Variants in PIK3AP1 observed in about 807,000 individuals in gnomAD.
PIK3AP1 encodes phosphoinositide 3-kinase adapter protein 1.
In PIK3AP1, 21 loss-of-function variants were observed where a neutral mutation model predicts 88.1. The ratio of observed to expected loss-of-function variants is 0.24; its 90% confidence interval spans 0.17 to 0.34. The LOEUF (loss-of-function observed/expected upper bound fraction) is 0.34, where lower values mean the gene tolerates loss of function less well. PIK3AP1 is among the 10% of genes least tolerant of loss of function. The pLI, the probability that PIK3AP1 is intolerant of heterozygous loss-of-function variation, is 1.00. For synonymous variants in PIK3AP1, 398 were observed against 400.0 expected (o/e 1.00, Z 0.06); for missense variants, 828 against 1,035.7 (o/e 0.80, Z 2.75).
At chr10:96,633,043 C>A (rs781320669) in intron 8 of PIK3AP1, 3 of 1,606,910 alleles carry the variant, frequency 1.9e-6, no homozygotes, top group Non-Finnish European at 2.5e-6. Flanking sequence ...GCAGGCCACG[C>A]TGGTGAAAAA....
rs75439767 is a variant in PIK3AP1 at position 96,596,214 on chromosome 10, G to C, written c.2361-580C>G. On this transcript the variant is annotated intron_variant, in intron 16 of 16. Transcript: ENST00000339364. ...CCTAGGGCCAGGTACCAGACGACTA[G>C]AGTCAGCCCTTATGCCTCAGAGCCA... 5.4e-3 allele frequency among the ~76,000 whole-genome samples: 827 copies of C among 152,274 alleles called. 8 individuals carry two copies. The highest frequency in any genetic ancestry group is 0.019 in the African/African-American group (794 of 41,538).
chr10:96,623,483 C>G lies in PIK3AP1; in HGVS notation c.1724G>C (p.Ser575Thr). 6.2e-7 allele frequency: 1 copy of G among 1,611,338 alleles called. No individual in the cohort carries two copies. Among genetic ancestry groups the G allele is most frequent in the Non-Finnish European group, 8.5e-7 (1 of 1,177,802 alleles). The part of the protein sequence containing the change: ...RPGNFYVSSE[S>T]IRKGPPVRPW... ...AACACATGGCTTACCTTTCCTGATG[C>G]TCTCTGAGGAAACGTAGAAATTCCC... Residue 575 changes from serine (S) to threonine (T), a missense_variant, in exon 11 of 17, where the codon AGC becomes ACC. By Grantham distance (58) the Ser-to-Thr change is moderately conservative. Coordinates refer to ENST00000339364, the MANE Select transcript of PIK3AP1 (RefSeq NM_152309.3).
chr10:96,680,904 A>C (rs1311732874), intron 2 of PIK3AP1, among the ~76,000 whole-genome samples: 1 of 152,234 alleles, frequency 6.6e-6, no homozygotes, highest in East Asian at 1.9e-4. Flanking sequence ...AACTAGATCA[A>C]GACAATGTTG....
intron 2 of PIK3AP1, among the ~76,000 whole-genome samples, chr10:96,698,989 C>T (rs1335499806): frequency 1.3e-5 from 2 of 151,892 alleles, no homozygotes; most frequent in South Asian, 2.1e-4. Flanking sequence ...ACCAGCCTGG[C>T]CAACATAGAG....
At chr10:96,610,765 G>A (rs1294419172) in intron 13 of PIK3AP1, among the ~76,000 whole-genome samples, 2 of 152,182 alleles carry the variant, frequency 1.3e-5, no homozygotes, top group African/African-American at 4.8e-5. Flanking sequence ...GGTTCTAGGA[G>A]CAGAAAACAG....
intron 2 of PIK3AP1, among the ~76,000 whole-genome samples, chr10:96,679,029 T>C (rs1434766667): frequency 1.3e-5 from 2 of 152,236 alleles, no homozygotes; most frequent in Non-Finnish European, 2.9e-5. Flanking sequence ...GCAAATGCTC[T>C]GGGGAAGGTT....
intron 2 of PIK3AP1, among the ~76,000 whole-genome samples, chr10:96,702,229 G>A (rs763084452): frequency 6.6e-6 from 1 of 152,138 alleles, no homozygotes; most frequent in Non-Finnish European, 1.5e-5. Flanking sequence ...GGCCAGACGC[G>A]GTGGCTCATG....
chr10:96,628,609 A>G, intron 8 of PIK3AP1, 116 bp from the exon 9 acceptor site: 2 of 845,026 alleles, frequency 2.4e-6, no homozygotes, highest in Non-Finnish European at 2.0e-6. Context: ...GCATTCATCA[A>G]TCTATCCATC....
Position 96,594,221 on chromosome 10 carries a change from A to T in PIK3AP1, c.*1356T>A, listed in dbSNP as rs1848719750. On this transcript the variant is annotated 3_prime_UTR_variant, in exon 17 of 17. Transcript: ENST00000339364. The surrounding 1 kb of genome is among the most constrained non-coding windows in gnomAD (Gnocchi z 4.6). ...ATAAGTATGTAAAAAATAGATAACTACAGTCGTACTTTGGTATCCATGGGG... is the reference window on the plus strand; with the variant it reads ...ATAAGTATGTAAAAAATAGATAACTTCAGTCGTACTTTGGTATCCATGGGG... The T allele has an allele frequency of 1.3e-5, 2 of 152,198 alleles. No individual in the cohort carries two copies. The highest frequency in any genetic ancestry group is 2.9e-5 in the Non-Finnish European group (2 of 68,038). 9.4% of individuals were successfully genotyped at this position (152,198 alleles called of 1,614,324 possible). A position where few individuals can be genotyped will look rare whatever the true frequency, so the allele number is the denominator to read the frequency against.
At chr10:96,677,224 C>A (rs892863633) in intron 2 of PIK3AP1, among the ~76,000 whole-genome samples, 9 of 152,304 alleles carry the variant, frequency 5.9e-5, no homozygotes, top group Middle Eastern at 3.4e-3. Flanking sequence ...AAAGTATTGG[C>A]AAACTCAGTA....
At chr10:96,716,660 C>T (rs1564994095) in intron 1 of PIK3AP1, among the ~76,000 whole-genome samples, 1 of 152,218 alleles carries the variant, frequency 6.6e-6, no homozygotes, top group Non-Finnish European at 1.5e-5. Context: ...GGGGAAACTC[C>T]TTTCTTCAGC....
At chr10:96,702,796 T>C in intron 2 of PIK3AP1, among the ~76,000 whole-genome samples, 1 of 152,204 alleles carries the variant, frequency 6.6e-6, no homozygotes, top group East Asian at 1.9e-4. Flanking sequence ...CTAGAAAATA[T>C]TAATTAATTA....
intron 2 of PIK3AP1, among the ~76,000 whole-genome samples, chr10:96,673,540 C>T (rs1843876537): frequency 6.6e-6 from 1 of 152,194 alleles, no homozygotes; most frequent in Non-Finnish European, 1.5e-5. Flanking sequence ...CTTTCAGACA[C>T]TTATAAATGT....
chr10:96,609,630 T>C (rs1849067870), intron 14 of PIK3AP1, 82 bp downstream of exon 14: 2 of 1,490,074 alleles, frequency 1.3e-6, no homozygotes, highest in African/African-American at 1.4e-5. Context: ...CCTGGGCTCT[T>C]AAGAGGATGT....
chr10:96,639,085 G>C, intron 8 of PIK3AP1, among the ~76,000 whole-genome samples: 1 of 152,232 alleles, frequency 6.6e-6, no homozygotes, highest in African/African-American at 2.4e-5. Flanking sequence ...GCAGAAGGAA[G>C]AGTCAAATGC....
At chr10:96,639,014 T>C (rs1410325228) in intron 8 of PIK3AP1, among the ~76,000 whole-genome samples, 1 of 152,124 alleles carries the variant, frequency 6.6e-6, no homozygotes, top group Non-Finnish European at 1.5e-5. Flanking sequence ...TATGAAGGCA[T>C]TTGGGCTTTG....
intron 2 of PIK3AP1, among the ~76,000 whole-genome samples, chr10:96,662,560 G>T (rs1050937717): frequency 2.0e-5 from 3 of 150,254 alleles, no homozygotes; most frequent in African/African-American, 7.4e-5. Flanking sequence ...CCAAGATCGC[G>T]CCACTGCACT....
In PIK3AP1 at chr10:96,609,698, C is replaced by T. The variant is rs1356906937; in HGVS notation, c.2170+14G>A. On this transcript the variant is annotated intron_variant, in intron 14 of 16. Transcript: ENST00000339364. ...AGTCAAGAAGACCCCACCCCCGCAC[C>T]CCCAGCTGCTCACTTGCTGTGCTGG... is the stretch of plus-strand genomic sequence containing the variant. 7 of 1,611,626 alleles carry T rather than the reference C, an allele frequency of 4.3e-6. No individual in the cohort carries two copies. Among genetic ancestry groups the T allele is most frequent in the Non-Finnish European group, 5.9e-6 (7 of 1,178,746 alleles).
At position 96,605,950 on chromosome 10, in the gene PIK3AP1, C is replaced by T. The variant is rs141803182; in HGVS notation, c.2171-1901G>A. 8.9e-3 allele frequency among the ~76,000 whole-genome samples: 1,348 copies of T among 152,108 alleles called. 5 individuals are homozygous for T. The highest frequency in any genetic ancestry group is 0.015 in the Non-Finnish European group (1,030 of 67,970). On this transcript the variant is annotated intron_variant, in intron 14 of 16. Coordinates refer to ENST00000339364, the MANE Select transcript of PIK3AP1 (RefSeq NM_152309.3). Reference sequence around the variant, plus strand: ...AATACAAAAATTAGCTGGGCGTGGTCGCGGGTGCCTGTAATTCCAGCTACT... The same window carrying T: ...AATACAAAAATTAGCTGGGCGTGGTTGCGGGTGCCTGTAATTCCAGCTACT...
Sources: allele counts gnomAD v4.1 joint callset (sites outside exome capture counted in the v4.1 genomes callset), GRCh38; gene constraint gnomAD v4.1.1; non-coding constraint Gnocchi (gnomAD v3.1); transcripts MANE v1.5; gene names NCBI Gene and HGNC (gene_info 2026-07-23, HGNC 2026-07-21).